The following UGT1A7 variants were observed in gnomAD, a reference collection of about 807,000 sequenced individuals.
UGT1A7 encodes UDP-glucuronosyltransferase 1A7.
In UGT1A7, 33 loss-of-function variants were observed where a neutral mutation model predicts 45.6. The observed-to-expected ratio is 0.72, with a 90% CI of 0.55 to 0.97. UGT1A7 has a LOEUF of 0.97. Among genes scored for constraint, UGT1A7 ranks in the 50% least tolerant of loss-of-function variants. The probability of loss-of-function intolerance (pLI) is 0.00; values close to 1 mark genes in which losing one functional copy is unlikely to be tolerated. For synonymous variants in UGT1A7, 274 were observed against 250.6 expected (o/e 1.09, Z -0.88); for missense variants, 684 against 666.2 (o/e 1.03, Z -0.29).
At chr2:233,743,823 G>C (rs752406673) in intron 1 of UGT1A7, 36 of 1,367,252 alleles carry the variant, frequency 2.6e-5, no homozygotes, top group Non-Finnish European at 3.4e-5. Flanking sequence ...TTTTTGTCGG[G>C]GTGCCACTTG....
rs539293656 is a variant in UGT1A7, at chr2:233,691,687, C to A, written c.855+8895C>A. 62 of 954,204 alleles carry A rather than the reference C, an allele frequency of 6.5e-5. No homozygotes were observed. In the East Asian group the frequency reaches 2.0e-3, roughly 31 times the overall value. The allele number at this position is 954,204 out of a possible 1,614,324, so 59.1% of individuals were successfully genotyped here. A position where few individuals can be genotyped will look rare whatever the true frequency, so the allele number is the denominator to read the frequency against. On this transcript the variant is annotated intron_variant, in intron 1 of 4. Coordinates refer to ENST00000373426, the MANE Select transcript of UGT1A7 (RefSeq NM_019077.3). ...TGGGCCTCAGTTGAGAAACCTGAAG[C>A]TCAGGAGAGGAGTCACTCCCCTGGC... is the stretch of plus-strand genomic sequence containing the variant.
Position 233,760,634 on chromosome 2 carries a change from T to TA in UGT1A7, c.856-6394dup, listed in dbSNP as rs748219743. On this transcript the variant is annotated intron_variant, in intron 1 of 4. Coordinates refer to ENST00000373426, the MANE Select transcript of UGT1A7 (RefSeq NM_019077.3). ...CGTGTGATCAAAACATACAAGAAAA[T>TA]AAAAAAGGACTCTGCTATGCTTTTG... 6.2e-6 allele frequency: 10 copies of TA among 1,614,070 alleles called. No homozygotes were observed. In the South Asian group the frequency reaches 8.8e-5, roughly 14 times the overall value.
intron 1 of UGT1A7, among the ~76,000 whole-genome samples, chr2:233,765,914 G>T (rs914131735): frequency 6.6e-6 from 1 of 152,098 alleles, no homozygotes; most frequent in Admixed American, 6.5e-5. Flanking sequence ...CTCTAGGGGA[G>T]CATACAGACG....
At chr2:233,753,812 C>G (rs1215022778) in intron 1 of UGT1A7, among the ~76,000 whole-genome samples, 1 of 152,152 alleles carries the variant, frequency 6.6e-6, no homozygotes, top group Non-Finnish European at 1.5e-5. Flanking sequence ...AGTTGGAGAA[C>G]CACGTTAGGG....
At chr2:233,729,344 A>G in intron 1 of UGT1A7, 1 of 1,614,144 alleles carries the variant, frequency 6.2e-7, no homozygotes, top group Non-Finnish European at 8.5e-7. Flanking sequence ...AAAGAAGAGA[A>G]CTTTTTCACC....
At chr2:233,695,507 A>G (rs2075293292) in intron 1 of UGT1A7, among the ~76,000 whole-genome samples, 1 of 151,474 alleles carries the variant, frequency 6.6e-6, no homozygotes, top group African/African-American at 2.4e-5. Context: ...TTTTTGGAGT[A>G]TTACAAATTT....
intron 1 of UGT1A7, among the ~76,000 whole-genome samples, chr2:233,724,704 C>T (rs867669613): frequency 2.8e-5 from 4 of 144,994 alleles, no homozygotes; most frequent in Non-Finnish European, 6.0e-5. Flanking sequence ...AGACGCTCCT[C>T]GCTTTCCAGA....
intron 1 of UGT1A7, among the ~76,000 whole-genome samples, chr2:233,742,577 G>T (rs28900373): frequency 0.034 from 5,125 of 151,816 alleles, 154 homozygotes; most frequent in African/African-American, 0.051. Flanking sequence ...CGGAATTGGG[G>T]GCTTATCCCC....
At chr2:233,770,350 T>C (rs1700063045) in intron 4 of UGT1A7, 1 of 152,104 alleles carries the variant, frequency 6.6e-6, no homozygotes, top group Non-Finnish European at 1.5e-5. Flanking sequence ...CAATTACTAT[T>C]GAATGAATGA....
intron 1 of UGT1A7, among the ~76,000 whole-genome samples, chr2:233,739,478 C>A (rs945148386): frequency 2.6e-5 from 4 of 152,180 alleles, no homozygotes; most frequent in African/African-American, 9.7e-5. Context: ...ACCGTGGGAG[C>A]CCATTTCTGG....
At chr2:233,743,087 A>G (rs1244920727) in intron 1 of UGT1A7, 3 of 346,168 alleles carry the variant, frequency 8.7e-6, no homozygotes, top group Non-Finnish European at 1.7e-5. Flanking sequence ...AAGTGTTTAT[A>G]AATTCTTGGG....
chr2:233,766,611 C>T (rs972496643), intron 1 of UGT1A7, among the ~76,000 whole-genome samples: 4 of 152,176 alleles, frequency 2.6e-5, no homozygotes, highest in African/African-American at 4.8e-5. Flanking sequence ...ACACCCTCTT[C>T]TACCCAGCAC....
chr2:233,736,519 G>A (rs746723553), intron 1 of UGT1A7, among the ~76,000 whole-genome samples: 27 of 152,186 alleles, frequency 1.8e-4, no homozygotes, highest in African/African-American at 5.3e-4. Context: ...CTGTCAACTC[G>A]TCAAAGTCAT....
At chr2:233,719,137 T>G (rs1197566998) in intron 1 of UGT1A7, 1 of 1,614,254 alleles carries the variant, frequency 6.2e-7, no homozygotes, top group Non-Finnish European at 8.5e-7. Context: ...ACAGAACATC[T>G]TCTGAAGAGA....
intron 1 of UGT1A7, chr2:233,729,894 G>A (rs2077943725): frequency 1.9e-6 from 3 of 1,613,848 alleles, no homozygotes; most frequent in East Asian, 4.5e-5. Context: ...CTGTGTGGCT[G>A]TTCCGAGGGG....
intron 1 of UGT1A7, chr2:233,713,166 G>A: frequency 6.2e-7 from 1 of 1,614,238 alleles, no homozygotes. Context: ...CCACCAGGTG[G>A]TGGTCCTCAC....
intron 1 of UGT1A7, among the ~76,000 whole-genome samples, chr2:233,694,195 G>T (rs1386448927): frequency 6.6e-6 from 1 of 152,134 alleles, no homozygotes; most frequent in Non-Finnish European, 1.5e-5. Context: ...AACAGGTCCA[G>T]GTTAAAATCC....
chr2:233,743,781 A>C (rs757688108), intron 1 of UGT1A7: 2 of 1,366,938 alleles, frequency 1.5e-6, no homozygotes, highest in Non-Finnish European at 2.0e-6. Flanking sequence ...ACCTGCTTGA[A>C]TCTCCTCTCC....
At chr2:233,738,879 G>A (rs1446343091) in intron 1 of UGT1A7, 1 of 152,238 alleles carries the variant, frequency 6.6e-6, no homozygotes, top group Admixed American at 6.5e-5. Context: ...TCCAGGGCAT[G>A]TCAGAGACCT....
Sources: allele counts gnomAD v4.1 joint callset (sites outside exome capture counted in the v4.1 genomes callset), GRCh38; gene constraint gnomAD v4.1.1; transcripts MANE v1.5; gene names NCBI Gene and HGNC (gene_info 2026-07-23, HGNC 2026-07-21).